The following ATP8B2 variants were observed in gnomAD, a reference collection of about 807,000 sequenced individuals.
ATP8B2 encodes the protein ATPase phospholipid transporting 8B2.
In ATP8B2, 70 loss-of-function variants were observed where a neutral mutation model predicts 133.4. That is an observed-to-expected ratio of 0.52 (90% CI 0.43 to 0.64). The LOEUF (loss-of-function observed/expected upper bound fraction) is 0.64. Among genes scored for constraint, ATP8B2 ranks in the 30% least tolerant of loss-of-function variants. ATP8B2 has a pLI of 0.00. For synonymous variants in ATP8B2, 517 were observed against 589.5 expected (o/e 0.88, Z 1.78); for missense variants, 1,101 against 1,535.7 (o/e 0.72, Z 4.73).
At position 154,328,087 on chromosome 1, in the gene ATP8B2, G is replaced by C. The variant is rs776396308; in HGVS notation, c.-37-18G>C. On this transcript the variant is annotated intron_variant, in intron 1 of 27. Transcript: ENST00000368489. This position sits in a 1 kb window ranked among gnomAD's most constrained non-coding sequence, Gnocchi z 4.6. Reference sequence around the variant, plus strand: ...TATCCTCAGCTTCCTGACCTCATTCGTCTGTCACTTCTTGCAGGGTCTCCC... The same window carrying C: ...TATCCTCAGCTTCCTGACCTCATTCCTCTGTCACTTCTTGCAGGGTCTCCC... 7 of 1,613,038 alleles carry C rather than the reference G, an allele frequency of 4.3e-6. No individual in the cohort carries two copies. Among genetic ancestry groups the C allele is most frequent in the Non-Finnish European group, 5.1e-6 (6 of 1,179,126 alleles).
Position 154,334,420 on chromosome 1 carries a change from T to C in ATP8B2, c.749-83T>C. The C allele has an allele frequency of 6.5e-7, 1 of 1,535,318 alleles. No individual in the cohort carries two copies. Among genetic ancestry groups the C allele is most frequent in the Non-Finnish European group, 9.0e-7 (1 of 1,114,218 alleles). ...AGCCAGTATCTCTATTCCACCCTGG[T>C]GTCCTGCAGTCTGGGGATCAGGGCA... On this transcript the variant is annotated intron_variant, in intron 10 of 27. Coordinates refer to ENST00000368489, the MANE Select transcript of ATP8B2 (RefSeq NM_001370597.1). The surrounding 1 kb of genome is among the most constrained non-coding windows in gnomAD (Gnocchi z 4.6).
In ATP8B2 at chr1:154,345,122, G is replaced by T. The variant is rs1374598607; in HGVS notation, c.2438G>T (p.Gly813Val). The change falls in exon 22 of 28, where the codon GGA becomes GTA. Residue 813 changes from glycine (G) to valine (V), a missense_variant. By Grantham distance (109) the Gly-to-Val change is moderately radical. Transcript: ENST00000368489. The surrounding 1 kb of genome is among the most constrained non-coding windows in gnomAD (Gnocchi z 5.6). ...AAGAAGGCTGTGACGCTTGCCATTG[G>T]AGACGGAGCCAATGATGTCAGCATG... The part of the protein sequence containing the change: ...KYKKAVTLAI[G>V]DGANDVSMIK... The T allele has an allele frequency of 6.2e-7, 1 of 1,614,032 alleles. No individual in the cohort carries two copies. Among genetic ancestry groups the T allele is most frequent in the Non-Finnish European group, 8.5e-7 (1 of 1,180,012 alleles).
At position 154,331,382 on chromosome 1, in the gene ATP8B2, T is replaced by G. The variant is rs1463561291; in HGVS notation, c.304-62T>G. ...TTAACCAGCATGCTCTGAGTTCTAC[T>G]GATCAACGAATTCCTTCGAGGCGGG... On this transcript the variant is annotated intron_variant, in intron 5 of 27. Transcript: ENST00000368489. The surrounding 1 kb of genome is among the most constrained non-coding windows in gnomAD (Gnocchi z 4.8). The G allele has an allele frequency of 9.0e-6, 14 of 1,556,858 alleles. No individual in the cohort carries two copies. The Middle Eastern group carries it at 1.1e-3, about 119-fold the overall frequency.
intron 12 of ATP8B2, chr1:154,337,813 T>C: frequency 7.8e-7 from 1 of 1,285,208 alleles, no homozygotes; most frequent in Non-Finnish European, 1.0e-6. Context: ...AGAAGTGTGC[T>C]AGGTGCCATC....
chr1:154,346,776 C>T lies in ATP8B2; in HGVS notation c.3163+18C>T, dbSNP rs1686599041. 5 of 1,613,254 alleles carry T rather than the reference C, an allele frequency of 3.1e-6. No homozygotes were observed. In the African/African-American group the frequency reaches 5.3e-5, roughly 17 times the overall value. ...GTTTGTGGGTAAGTCCCCGTGGCCT[C>T]CTTGAATCGGTGAGGAATCACAGCT... On this transcript the variant is annotated intron_variant, in intron 26 of 27. Coordinates refer to ENST00000368489, the MANE Select transcript of ATP8B2 (RefSeq NM_001370597.1). This position sits in a 1 kb window ranked among gnomAD's most constrained non-coding sequence, Gnocchi z 4.5.
At chr1:154,326,597 C>T (rs1053848029) in intron 1 of ATP8B2, among the ~76,000 whole-genome samples, 1 of 152,156 alleles carries the variant, frequency 6.6e-6, no homozygotes, top group Non-Finnish European at 1.5e-5. Flanking sequence ...ATGATGGCCC[C>T]CCCAGAGGGG....
chr1:154,334,408 A>G lies in ATP8B2; in HGVS notation c.749-95A>G, dbSNP rs998583080. 33 of 1,525,340 alleles carry G rather than the reference A, an allele frequency of 2.2e-5. No homozygotes were observed. The highest frequency in any genetic ancestry group is 6.8e-5 in the East Asian group (3 of 44,356). The allele number at this position is 1,525,340 out of a possible 1,614,324, so 94.5% of individuals were successfully genotyped here. A position where few individuals can be genotyped will look rare whatever the true frequency, so the allele number is the denominator to read the frequency against. ...GGCTTCTTATCTAGCCAGTATCTCTATTCCACCCTGGTGTCCTGCAGTCTG... is the reference window on the plus strand; with the variant it reads ...GGCTTCTTATCTAGCCAGTATCTCTGTTCCACCCTGGTGTCCTGCAGTCTG... On this transcript the variant is annotated intron_variant, in intron 10 of 27. Transcript: ENST00000368489. This position sits in a 1 kb window ranked among gnomAD's most constrained non-coding sequence, Gnocchi z 4.6.
rs1453851710 is a variant in ATP8B2, at chr1:154,351,280, CT to C, written c.*2167del. ...TTTTATGGATATAAGAGAAAAATGC[CT>C]TTTTATAAAATTTCAATTTCTGAGA... On this transcript the variant is annotated 3_prime_UTR_variant, in exon 28 of 28. Coordinates refer to ENST00000368489, the MANE Select transcript of ATP8B2 (RefSeq NM_001370597.1). 1 of 152,288 alleles carries C rather than the reference CT, an allele frequency of 6.6e-6. No homozygotes were observed. Among genetic ancestry groups the C allele is most frequent in the Non-Finnish European group, 1.5e-5 (1 of 67,976 alleles). The allele number at this position is 152,288 out of a possible 1,614,324, so 9.4% of individuals were successfully genotyped here.
intron 1 of ATP8B2, among the ~76,000 whole-genome samples, chr1:154,326,960 A>G (rs1685811814): frequency 6.6e-6 from 1 of 152,308 alleles, no homozygotes; most frequent in African/African-American, 2.4e-5. Flanking sequence ...TTCCTGAGCC[A>G]GGCACCCTGG....
In ATP8B2 at chr1:154,343,459, A is replaced by G. The variant is rs1275495685; in HGVS notation, c.1649A>G (p.Asn550Ser). The G allele has an allele frequency of 1.2e-6, 2 of 1,613,908 alleles. No individual in the cohort carries two copies. Among genetic ancestry groups the G allele is most frequent in the African/African-American group, 2.7e-5 (2 of 74,894 alleles). Reference sequence around the variant, plus strand: ...TCACCTGCCCCATTCATAGTGCGGAATCCAGAGGGGAAGATCCGACTCTAC... The same window carrying G: ...TCACCTGCCCCATTCATAGTGCGGAGTCCAGAGGGGAAGATCCGACTCTAC... ...IRKRMSVIVR[N>S]PEGKIRLYCK... The change falls in exon 17 of 28, where the codon AAT (asparagine) becomes AGT (serine). Residue 550 changes from asparagine (N) to serine (S), a missense_variant. Transcript: ENST00000368489. This position sits in a 1 kb window ranked among gnomAD's most constrained non-coding sequence, Gnocchi z 5.8.
chr1:154,337,595 T>A lies in ATP8B2; in HGVS notation c.1034+51T>A, dbSNP rs377296118. On this transcript the variant is annotated intron_variant, in intron 12 of 27. Coordinates refer to ENST00000368489, the MANE Select transcript of ATP8B2 (RefSeq NM_001370597.1). The stretch of plus-strand genomic sequence containing the variant: ...CTCTCCAGGGAGTCAGGCGGTCCCA[T>A]AGAACTTTTCTTTTCTATGAAGATG... 1.8e-5 allele frequency: 29 copies of A among 1,614,192 alleles called. No individual in the cohort carries two copies. The African/African-American group carries it at 3.1e-4, about 17-fold the overall frequency.
Position 154,331,015 on chromosome 1 carries a change from C to T in ATP8B2, c.205-33C>T, listed in dbSNP as rs369993860. 9 of 1,603,216 alleles carry T rather than the reference C, an allele frequency of 5.6e-6. No individual in the cohort carries two copies. Among genetic ancestry groups the T allele is most frequent in the African/African-American group, 1.3e-5 (1 of 74,724 alleles). ...AAGGGAATGAAGGCATCAGATGGGG[C>T]CTCAGAGGCATACTTCTCTTTCTTT... is the stretch of plus-strand genomic sequence containing the variant. On this transcript the variant is annotated intron_variant, in intron 4 of 27. Coordinates refer to ENST00000368489, the MANE Select transcript of ATP8B2 (RefSeq NM_001370597.1). This position sits in a 1 kb window ranked among gnomAD's most constrained non-coding sequence, Gnocchi z 4.8.
chr1:154,329,483 A>AC (rs890940908), intron 2 of ATP8B2, among the ~76,000 whole-genome samples: 3 of 151,790 alleles, frequency 2.0e-5, no homozygotes, highest in South Asian at 4.2e-4. Context: ...GGTCATGGTG[A>AC]CCCCCGGGGA....
At chr1:154,338,154 G>C (rs1191488602) in intron 12 of ATP8B2, among the ~76,000 whole-genome samples, 14 of 152,184 alleles carry the variant, frequency 9.2e-5, no homozygotes, top group Admixed American at 9.2e-4. Flanking sequence ...TCTGGGCTTT[G>C]AGTGGTGACT....
At chr1:154,327,824 C>T in intron 1 of ATP8B2, 1 of 1,614,006 alleles carries the variant, frequency 6.2e-7, no homozygotes, top group Non-Finnish European at 8.5e-7. Context: ...AGCTGTTCCC[C>T]TTTTTTCAAT....
At position 154,345,044 on chromosome 1, in the gene ATP8B2, G is replaced by T; in HGVS notation, c.2360G>T (p.Cys787Phe). The change falls in exon 22 of 28, where the codon TGC (cysteine) becomes TTC (phenylalanine). Residue 787 changes from cysteine (C) to phenylalanine (F), a missense_variant. Physicochemically the swap from Cys to Phe is radical, Grantham distance 205. Transcript: ENST00000368489. This position sits in a 1 kb window ranked among gnomAD's most constrained non-coding sequence, Gnocchi z 5.6. ...TGTGCCTGCAAAGCTGTCATCTGCT[G>T]CCGGGTGACCCCCTTGCAGAAGGCA... ...TACACKAVIC[C>F]RVTPLQKAQV... The T allele has an allele frequency of 3.7e-6, 6 of 1,614,194 alleles. No individual in the cohort carries two copies. Among genetic ancestry groups the T allele is most frequent in the South Asian group, 1.1e-5 (1 of 91,084 alleles).
chr1:154,330,089 A>T (rs1685930652), intron 2 of ATP8B2, among the ~76,000 whole-genome samples: 1 of 152,206 alleles, frequency 6.6e-6, no homozygotes, highest in African/African-American at 2.4e-5. Context: ...GAATCCCAGG[A>T]CTGTCAGTGG....
At chr1:154,330,682 C>A (rs1685956820) in intron 3 of ATP8B2, 133 bp from the exon 4 acceptor site, 1 of 808,888 alleles carries the variant, frequency 1.2e-6, no homozygotes, top group Admixed American at 2.5e-5. Flanking sequence ...CCTCCTCTTT[C>A]CCCCTCCCAC....
At chr1:154,341,162 C>A in intron 13 of ATP8B2, 100 bp downstream of exon 13, 1 of 1,284,268 alleles carries the variant, frequency 7.8e-7, no homozygotes, top group Non-Finnish European at 1.1e-6. Context: ...TTTCTTCCTT[C>A]CTAGTTGGGT....
Sources: gnomAD v4.1 joint callset for allele counts (sites outside exome capture counted in the v4.1 genomes callset) on GRCh38, gnomAD v4.1.1 for gene constraint, Gnocchi (gnomAD v3.1) non-coding constraint, MANE v1.5 for transcripts, NCBI Gene and HGNC (gene_info 2026-07-23, HGNC 2026-07-21) for gene names.